The following PARD3 variants were observed in gnomAD, a reference collection of about 807,000 sequenced individuals.
The protein encoded by PARD3 is par-3 family cell polarity regulator.
A neutral mutation model predicts 155.4 loss-of-function variants in PARD3; 75 were observed. The ratio of observed to expected loss-of-function variants is 0.48; its 90% CI spans 0.40 to 0.58. The LOEUF (loss-of-function observed/expected upper bound fraction) is 0.58, where lower values mean the gene tolerates loss of function less well. PARD3 is among the 20% of genes least tolerant of loss of function. PARD3 has a pLI of 0.00. For missense variants in PARD3, 1,642 were observed against 1,721.7 expected (o/e 0.95, Z 0.82); for synonymous variants, 576 against 610.5 (o/e 0.94, Z 0.83).
At chr10:34,792,923 A>G (rs1323467200) in intron 1 of PARD3, among the ~76,000 whole-genome samples, 2 of 150,702 alleles carry the variant, frequency 1.3e-5, no homozygotes, top group Non-Finnish European at 3.0e-5. Context: ...CAAAAAGCAC[A>G]TGTTTGTACA....
At chr10:34,409,762 T>C (rs138572151) in intron 5 of PARD3, among the ~76,000 whole-genome samples, 3 of 152,360 alleles carry the variant, frequency 2.0e-5, no homozygotes, top group African/African-American at 7.2e-5. Context: ...ATTTTTCTTT[T>C]GAAAATAAAA....
chr10:34,413,843 C>T (rs932493537), intron 5 of PARD3, among the ~76,000 whole-genome samples: 2 of 152,122 alleles, frequency 1.3e-5, no homozygotes, highest in Non-Finnish European at 2.9e-5. Flanking sequence ...TAAAATTCTA[C>T]CCTAAAAGAA....
chr10:34,174,513 G>C (rs1421636910), intron 22 of PARD3, among the ~76,000 whole-genome samples: 1 of 152,176 alleles, frequency 6.6e-6, no homozygotes, highest in African/African-American at 2.4e-5. Context: ...AGCATTCAAG[G>C]TCGGGGGCGT....
intron 22 of PARD3, among the ~76,000 whole-genome samples, chr10:34,228,397 A>G (rs1952738119): frequency 6.6e-6 from 1 of 152,070 alleles, no homozygotes; most frequent in African/African-American, 2.4e-5. Flanking sequence ...CCCGAACCAA[A>G]ACATAAAAGC....
intron 1 of PARD3, among the ~76,000 whole-genome samples, chr10:34,754,003 G>A (rs1836386927): frequency 6.6e-6 from 1 of 151,934 alleles, no homozygotes; most frequent in African/African-American, 2.4e-5. Flanking sequence ...ACAACATATG[G>A]AATTCTGGTT....
chr10:34,611,699 C>A (rs2090901176), intron 2 of PARD3, among the ~76,000 whole-genome samples: 1 of 151,966 alleles, frequency 6.6e-6, no homozygotes, highest in African/African-American at 2.4e-5. Context: ...CCTAAGGCCC[C>A]GTACGCAATT....
chr10:34,176,010 G>C (rs1433300010), intron 22 of PARD3, among the ~76,000 whole-genome samples: 1 of 152,076 alleles, frequency 6.6e-6, no homozygotes, highest in Non-Finnish European at 1.5e-5. Flanking sequence ...TTCACAAATA[G>C]ATAAATTAGT....
intron 22 of PARD3, among the ~76,000 whole-genome samples, chr10:34,134,832 T>C (rs186530152): frequency 3.9e-4 from 59 of 152,384 alleles, no homozygotes; most frequent in African/African-American, 1.3e-3. Flanking sequence ...GGTGAAATTC[T>C]GGCTTTGAGA....
chr10:34,520,664 T>C (rs1278226884), intron 2 of PARD3, among the ~76,000 whole-genome samples: 1 of 152,172 alleles, frequency 6.6e-6, no homozygotes, highest in Non-Finnish European at 1.5e-5. Flanking sequence ...AATTATAGTA[T>C]GAAAGAGCAC....
chr10:34,449,138 C>T (rs1057180891), intron 5 of PARD3, among the ~76,000 whole-genome samples: 2 of 151,700 alleles, frequency 1.3e-5, no homozygotes, highest in East Asian at 3.9e-4. Flanking sequence ...AGGATGGTCT[C>T]GATCTCCTGA....
At chr10:34,432,910 C>A (rs2076018584) in intron 5 of PARD3, among the ~76,000 whole-genome samples, 2 of 152,090 alleles carry the variant, frequency 1.3e-5, no homozygotes, top group Admixed American at 1.3e-4. Flanking sequence ...GAAGAAATTT[C>A]TATAAATAAT....
intron 22 of PARD3, among the ~76,000 whole-genome samples, chr10:34,174,225 C>T (rs564903403): frequency 1.3e-5 from 2 of 152,304 alleles, no homozygotes; most frequent in South Asian, 4.1e-4. Flanking sequence ...CGGAAAGATA[C>T]TACCATCATA....
chr10:34,247,283 C>T lies in PARD3; in HGVS notation c.3419+22374G>A, dbSNP rs183077375. Among the ~76,000 whole-genome samples, 69 of 152,236 alleles carry T rather than the reference C, an allele frequency of 4.5e-4. 2 individuals are homozygous for T. In the East Asian group the frequency reaches 0.013, roughly 29 times the overall value. ...GTGGGAGGCCAAGGTGGGTGGATCA[C>T]CTGAGGTCAGGAGTTCGAGACCAGC... On this transcript the variant is annotated intron_variant, in intron 22 of 24. Transcript: ENST00000374788.
At chr10:34,504,844 C>T (rs531289805) in intron 3 of PARD3, among the ~76,000 whole-genome samples, 4 of 152,052 alleles carry the variant, frequency 2.6e-5, no homozygotes, top group Admixed American at 6.5e-5. Context: ...CTAAAAGCAA[C>T]GAACAAATAA....
intron 22 of PARD3, among the ~76,000 whole-genome samples, chr10:34,267,739 C>G (rs1488741081): frequency 6.6e-6 from 1 of 152,194 alleles, no homozygotes; most frequent in Non-Finnish European, 1.5e-5. Context: ...TCCCGTACAT[C>G]TCTAGCCTTG....
intron 22 of PARD3, among the ~76,000 whole-genome samples, chr10:34,184,819 C>T (rs1013064636): frequency 6.6e-6 from 1 of 151,600 alleles, no homozygotes; most frequent in Admixed American, 6.6e-5. Context: ...AAAGGAGCTT[C>T]ACATCTCACT....
At chr10:34,521,521 C>A (rs1454802450) in intron 2 of PARD3, among the ~76,000 whole-genome samples, 1 of 152,168 alleles carries the variant, frequency 6.6e-6, no homozygotes, top group South Asian at 2.1e-4. Context: ...CTGCTGTCCA[C>A]AAAGTAGATC....
intron 22 of PARD3, among the ~76,000 whole-genome samples, chr10:34,199,135 G>A (rs752116986): frequency 8.5e-5 from 13 of 152,108 alleles, no homozygotes; most frequent in Non-Finnish European, 1.6e-4. Context: ...CCCCATGACA[G>A]GATCCAATCA....
In PARD3 at chr10:34,119,679, T is replaced by C. The variant is rs910182195; in HGVS notation, c.3602A>G (p.Gln1201Arg). The C allele has an allele frequency of 1.4e-5, 22 of 1,612,652 alleles. No homozygotes were observed. Among genetic ancestry groups the C allele is most frequent in the Non-Finnish European group, 1.8e-5 (21 of 1,179,586 alleles). The change falls in exon 24 of 25, where the codon CAG becomes CGG. Residue 1201 changes from glutamine (Q) to arginine (R), a missense_variant. Around this residue, in one of 3 missense-constraint regions of PARD3, gnomAD observed 1,529 missense variants for 1,587.3 expected, o/e 0.96. Transcript: ENST00000374788. ...CTCGCGCTCCTCCTGCCGCTGCCGCTGCATCTGCACCTCCACGGACACCGA... is the reference window on the plus strand; with the variant it reads ...CTCGCGCTCCTCCTGCCGCTGCCGCCGCATCTGCACCTCCACGGACACCGA... ...RHSVSVEVQMQRQRQEERESS... is the reference protein window; with the variant it reads ...RHSVSVEVQMRRQRQEERESS...
Sources: allele counts gnomAD v4.1 joint callset (sites outside exome capture counted in the v4.1 genomes callset), GRCh38; gene constraint gnomAD v4.1.1; regional missense constraint gnomAD v4.1.1; transcripts MANE v1.5; gene names NCBI Gene and HGNC (gene_info 2026-07-23, HGNC 2026-07-21).